The following OR7E24 variants were observed in gnomAD, a reference collection of about 807,000 sequenced individuals.
OR7E24 encodes the protein olfactory receptor 7E24.
For missense variants in OR7E24, 385 were observed against 410.3 expected, an observed-to-expected ratio of 0.94 and a Z score of 0.53; for synonymous variants, 130 against 157.5, an observed-to-expected ratio of 0.83 and a Z score of 1.31.
At chr19:9,240,146 A>G in the OR7E24 span, among the ~76,000 whole-genome samples, 1 of 152,086 alleles carries the variant, frequency 6.6e-6, no homozygotes, top group Non-Finnish European at 1.5e-5. Context: ...TGCTGGGTTT[A>G]CAGGCCTGAG....
the OR7E24 span, chr19:9,219,190 T>C: frequency 6.6e-6 from 1 of 152,090 alleles, no homozygotes; most frequent in African/African-American, 2.4e-5. Flanking sequence ...TAGGAACACA[T>C]AGACAATACC....
In OR7E24 at chr19:9,251,753, A is replaced by G. The variant is rs755850115; in HGVS notation, c.710A>G (p.Tyr237Cys). The G allele has an allele frequency of 6.2e-7, 1 of 1,611,720 alleles. No homozygotes were observed. The highest frequency in any genetic ancestry group is 8.5e-7 in the Non-Finnish European group (1 of 1,178,828). Residue 237 changes from tyrosine (Y) to cysteine (C), a missense_variant, in exon 1 of 1, where the codon TAT becomes TGT. By Grantham distance (194) the Tyr-to-Cys change is radical. Transcript: ENST00000456448. The stretch of plus-strand genomic sequence containing the variant: ...ATCTCAGGGATCCTTTTCTCTTACT[A>G]TAAAATTGTTTCCCCCATTCTGAGA... ...LPISGILFSYYKIVSPILRVP... is the reference protein window; with the variant it reads ...LPISGILFSYCKIVSPILRVP...
At chr19:9,228,818 A>G in the OR7E24 span, among the ~76,000 whole-genome samples, 2 of 152,226 alleles carry the variant, frequency 1.3e-5, no homozygotes, top group Non-Finnish European at 2.9e-5. Flanking sequence ...TGCAAGATTA[A>G]TAAGTTGTGG....
the OR7E24 span, among the ~76,000 whole-genome samples, chr19:9,230,579 C>T: frequency 6.6e-6 from 1 of 152,164 alleles, no homozygotes; most frequent in Non-Finnish European, 1.5e-5. Flanking sequence ...TCCTGAATGA[C>T]TCACTGAAGA....
At chr19:9,206,874 A>T in the OR7E24 span, 9 of 152,210 alleles carry the variant, frequency 5.9e-5, no homozygotes, top group Admixed American at 1.3e-4. Context: ...GCTTTTATTG[A>T]CCTCACCTGG....
At chr19:9,240,001 T>C in the OR7E24 span, among the ~76,000 whole-genome samples, 1 of 152,032 alleles carries the variant, frequency 6.6e-6, no homozygotes, top group Non-Finnish European at 1.5e-5. Context: ...CCACTGTGCC[T>C]GGCCTGAATA....
chr19:9,246,466 T>TTGTGTGTGTGTGTGTGTGTGTGTG (rs34518365), upstream of OR7E24, among the ~76,000 whole-genome samples: 1 of 130,986 alleles, frequency 7.6e-6, no homozygotes, highest in Admixed American at 7.6e-5. Flanking sequence ...CTTAAAGGTA[T>TTGTGTGTGTGTGTGTGTGTGTGTG]TGTGTGTGTG....
At chr19:9,250,597 G>T (rs2066142426), upstream of OR7E24, among the ~76,000 whole-genome samples, 1 of 152,170 alleles carries the variant, frequency 6.6e-6, no homozygotes, top group Non-Finnish European at 1.5e-5. Context: ...CTTTCATTGA[G>T]TTTTGAGACA....
the OR7E24 span, chr19:9,207,385 C>T: frequency 5.1e-4 from 77 of 152,186 alleles, no homozygotes; most frequent in African/African-American, 1.8e-3. Flanking sequence ...TCATTTGCAG[C>T]AACATGGATT....
In OR7E24 at chr19:9,251,542, T is replaced by C; in HGVS notation, c.499T>C (p.Phe167Leu). The change falls in exon 1 of 1, where the codon TTT becomes CTT. Residue 167 changes from phenylalanine (F) to leucine (L), a missense_variant. Coordinates refer to ENST00000456448, the MANE Select transcript of OR7E24 (RefSeq NM_001079935.2). ...CTGTGGCTTCTTAATCTTGTTGTCT[T>C]TTTTTATTAGTCTTTTGGACTCCCA... ...RLCGFLILLS[F>L]FISLLDSQLH... The C allele has an allele frequency of 6.2e-7, 1 of 1,614,190 alleles. No individual in the cohort carries two copies. Among genetic ancestry groups the C allele is most frequent in the Non-Finnish European group, 8.5e-7 (1 of 1,180,038 alleles).
upstream of OR7E24, among the ~76,000 whole-genome samples, chr19:9,249,126 C>A (rs1048175283): frequency 6.6e-6 from 1 of 152,198 alleles, no homozygotes; most frequent in Non-Finnish European, 1.5e-5. Context: ...AATCTCCATA[C>A]CATTGAACTG....
chr19:9,241,148 G>T, the OR7E24 span, among the ~76,000 whole-genome samples: 1 of 152,090 alleles, frequency 6.6e-6, no homozygotes, highest in Non-Finnish European at 1.5e-5. Flanking sequence ...TTTGATTTTT[G>T]TACATGGCAG....
chr19:9,221,203 G>T, the OR7E24 span, among the ~76,000 whole-genome samples: 2 of 150,708 alleles, frequency 1.3e-5, no homozygotes, highest in Non-Finnish European at 3.0e-5. Context: ...ACCCGGGAGG[G>T]GGAGCTTGCA....
the OR7E24 span, among the ~76,000 whole-genome samples, chr19:9,221,210 T>C: frequency 6.7e-6 from 1 of 149,718 alleles, no homozygotes; most frequent in Non-Finnish European, 1.5e-5. Flanking sequence ...AGGGGGAGCT[T>C]GCAGTGAGCC....
chr19:9,215,528 T>G, the OR7E24 span, among the ~76,000 whole-genome samples: 12 of 152,238 alleles, frequency 7.9e-5, no homozygotes, highest in African/African-American at 2.9e-4. Flanking sequence ...TGTACAATAG[T>G]TATTAAGTTG....
chr19:9,213,576 A>G, the OR7E24 span: 2 of 288,136 alleles, frequency 6.9e-6, no homozygotes, highest in South Asian at 8.0e-5. Context: ...TGTCTCTACT[A>G]AAAATACAAA....
chr19:9,220,572 C>A, the OR7E24 span, among the ~76,000 whole-genome samples: 1 of 152,144 alleles, frequency 6.6e-6, no homozygotes, highest in African/African-American at 2.4e-5. Flanking sequence ...AATCATATTC[C>A]ATTGTGTATA....
chr19:9,249,510 A>G (rs908317719), upstream of OR7E24, among the ~76,000 whole-genome samples: 3 of 152,190 alleles, frequency 2.0e-5, no homozygotes, highest in African/African-American at 4.8e-5. Flanking sequence ...TCAATTACTT[A>G]AAGACCATGG....
chr19:9,248,820 C>A (rs2066137497), upstream of OR7E24, among the ~76,000 whole-genome samples: 1 of 152,188 alleles, frequency 6.6e-6, no homozygotes, highest in Non-Finnish European at 1.5e-5. Context: ...GTGCTTAAGA[C>A]CTCTGGCCAT....
Sources: gnomAD v4.1 joint callset for allele counts (sites outside exome capture counted in the v4.1 genomes callset) on GRCh38, gnomAD v4.1.1 for gene constraint, MANE v1.5 for transcripts, NCBI Gene and HGNC (gene_info 2026-07-23, HGNC 2026-07-21) for gene names.